FBXW8: variants seen among roughly 807,000 people sequenced by gnomAD.
FBXW8 encodes the protein F-box and WD repeat domain containing 8.
Under a neutral mutation model 65.3 loss-of-function variants are expected in FBXW8, and 57 were observed. The ratio of observed to expected loss-of-function variants is 0.87; its 90% CI spans 0.71 to 1.09. FBXW8 has a LOEUF of 1.09. Ranked by LOEUF, FBXW8 falls within the 50% of genes least tolerant of loss-of-function variation. FBXW8 has a pLI of 0.00. For missense variants in FBXW8, 777 were observed against 814.8 expected, an observed-to-expected ratio of 0.95 and a Z score of 0.57; for synonymous variants, 308 against 330.2, an observed-to-expected ratio of 0.93 and a Z score of 0.73.
intron 8 of FBXW8, among the ~76,000 whole-genome samples, chr12:117,018,064 G>A (rs1332097369): frequency 2.6e-5 from 4 of 152,168 alleles, no homozygotes; most frequent in South Asian, 2.1e-4. Context: ...CAACCAGAGC[G>A]TGCCTCCCTC....
chr12:117,019,958 A>G (rs114020542), intron 8 of FBXW8, among the ~76,000 whole-genome samples: 4,105 of 152,338 alleles, frequency 0.027, 182 homozygotes, highest in African/African-American at 0.087. Flanking sequence ...AGTAGCCTAG[A>G]GGGCGAAGCG....
In FBXW8 at chr12:116,928,055, C is replaced by G. The variant is rs1255063638; in HGVS notation, c.351C>G (p.Ile117Met). 14 of 1,609,448 alleles carry G rather than the reference C, an allele frequency of 8.7e-6. No homozygotes were observed. Among genetic ancestry groups the G allele is most frequent in the Non-Finnish European group, 1.0e-5 (12 of 1,178,212 alleles). ...TGAATGATGTGCCTTTCTTTGATATCCAACTGCCTTACGAATTGGCAATCA... is the reference window on the plus strand; with the variant it reads ...TGAATGATGTGCCTTTCTTTGATATGCAACTGCCTTACGAATTGGCAATCA... ...NEMNDVPFFDIQLPYELAINI... is the reference protein window; with the variant it reads ...NEMNDVPFFDMQLPYELAINI... The change falls in exon 2 of 11, where the codon ATC becomes ATG. Residue 117 changes from isoleucine to methionine, a missense_variant. Ile to Met is a conservative substitution (Grantham distance 10). Coordinates refer to ENST00000652555, the MANE Select transcript of FBXW8 (RefSeq NM_153348.3).
chr12:116,979,377 T>C (rs572173774), intron 5 of FBXW8: 30 of 152,366 alleles, frequency 2.0e-4, no homozygotes, highest in African/African-American at 7.2e-4. Context: ...CTGGCCATCG[T>C]TACTCATGTC....
Position 116,985,250 on chromosome 12 carries a change from C to G in FBXW8, c.880C>G (p.His294Asp), listed in dbSNP as rs1163993194. The G allele has an allele frequency of 1.9e-6, 3 of 1,613,558 alleles. No individual in the cohort carries two copies. The highest frequency in any genetic ancestry group is 1.7e-4 in the Middle Eastern group (1 of 6,056). ...WDLRTGKYPVHRFEHDARIQA... is the reference protein window; with the variant it reads ...WDLRTGKYPVDRFEHDARIQA... ...TTTAAGGACCGGAAAGTACCCTGTTCATCGTTTTGAGCACGATGCAAGAAT... is the reference window on the plus strand; with the variant it reads ...TTTAAGGACCGGAAAGTACCCTGTTGATCGTTTTGAGCACGATGCAAGAAT... Residue 294 changes from histidine to aspartate, a missense_variant, in exon 6 of 11, where the codon CAT (histidine) becomes GAT (aspartate). Coordinates refer to ENST00000652555, the MANE Select transcript of FBXW8 (RefSeq NM_153348.3).
At chr12:117,007,261 G>GA (rs11293344) in intron 7 of FBXW8, among the ~76,000 whole-genome samples, 1,496 of 145,496 alleles carry the variant, frequency 0.01, 20 homozygotes, top group African/African-American at 0.032. Flanking sequence ...AGATCTCTAA[G>GA]AAAAAAAAAA....
chr12:116,991,572 G>A (rs531902409), intron 7 of FBXW8, among the ~76,000 whole-genome samples: 27 of 152,282 alleles, frequency 1.8e-4, no homozygotes, highest in Non-Finnish European at 3.5e-4. Context: ...GTCCCAGCAC[G>A]TTTTATTAGG....
At position 116,911,055 on chromosome 12, in the gene FBXW8, G is replaced by C; in HGVS notation, c.18G>C (p.Leu6=). The C allele has an allele frequency of 6.9e-7, 1 of 1,455,838 alleles. No individual in the cohort carries two copies. Among genetic ancestry groups the C allele is most frequent in the Non-Finnish European group, 9.0e-7 (1 of 1,112,234 alleles). The allele number at this position is 1,455,838 out of a possible 1,614,324, so 90.2% of individuals were successfully genotyped here. The part of the protein sequence containing the change: MDDYS[L]DEFRRRWQEE... Reference sequence around the variant, plus strand: ...CGGCGAATATGGACGACTACAGCCTGGATGAGTTCCGTCGGCGCTGGCAGG... The same window carrying C: ...CGGCGAATATGGACGACTACAGCCTCGATGAGTTCCGTCGGCGCTGGCAGG... Residue 6 remains leucine, a synonymous_variant, in exon 1 of 11, where the codon CTG becomes CTC. Transcript: ENST00000652555.
chr12:116,988,261 G>A (rs1220154838), intron 6 of FBXW8, among the ~76,000 whole-genome samples: 1 of 152,130 alleles, frequency 6.6e-6, no homozygotes, highest in African/African-American at 2.4e-5. Flanking sequence ...TTGGTATTTT[G>A]ATAAGAGTAG....
At chr12:117,018,813 T>G (rs1468213293) in intron 8 of FBXW8, among the ~76,000 whole-genome samples, 1 of 152,210 alleles carries the variant, frequency 6.6e-6, no homozygotes, top group Non-Finnish European at 1.5e-5. Flanking sequence ...ATGGCAAACT[T>G]TGAACTTCTG....
chr12:116,918,458 T>A (rs1880617428), intron 1 of FBXW8, among the ~76,000 whole-genome samples: 1 of 152,256 alleles, frequency 6.6e-6, no homozygotes, highest in Admixed American at 6.5e-5. Flanking sequence ...ATGTTTGTTC[T>A]GGGTGCTTAC....
At chr12:116,912,484 T>C (rs1880053043) in intron 1 of FBXW8, among the ~76,000 whole-genome samples, 1 of 136,770 alleles carries the variant, frequency 7.3e-6, no homozygotes, top group African/African-American at 2.8e-5. Context: ...AGACGGAGTC[T>C]CGCTCGCTCT....
intron 4 of FBXW8, among the ~76,000 whole-genome samples, chr12:116,952,864 A>T (rs1409869126): frequency 1.3e-5 from 2 of 152,080 alleles, no homozygotes; most frequent in Non-Finnish European, 2.9e-5. Context: ...CAGCCTCCCG[A>T]GTAGCTGGGA....
intron 4 of FBXW8, 78 bp downstream of exon 4, chr12:116,949,784 T>G (rs1028852273): frequency 4.0e-5 from 52 of 1,295,996 alleles, no homozygotes; most frequent in Non-Finnish European, 5.8e-5. Flanking sequence ...TGAGTACCAG[T>G]GACCTTAGCT....
rs77780796 is a variant in FBXW8, at chr12:116,920,714, G to A, written c.319-7309G>A. Among the ~76,000 whole-genome samples the A allele has an allele frequency of 4.4e-3, 674 of 152,222 alleles. 5 individuals carry two copies. The highest frequency in any genetic ancestry group is 0.015 in the African/African-American group (633 of 41,542). The stretch of plus-strand genomic sequence containing the variant: ...AAAGGTTCTGTGGTGACCAGGACCC[G>A]CACTTAGTTTAATGCTCTGTTGCCT... On this transcript the variant is annotated intron_variant, in intron 1 of 10. Coordinates refer to ENST00000652555, the MANE Select transcript of FBXW8 (RefSeq NM_153348.3).
chr12:117,027,565 ACCCCC>A, intron 10 of FBXW8, 61 bp downstream of exon 10: 2 of 1,150,930 alleles, frequency 1.7e-6, no homozygotes, highest in African/African-American at 1.8e-5. Flanking sequence ...ATAGAACCCC[ACCCCC>A]CCCGCCGTGA....
At chr12:116,951,682 T>C (rs926101763) in intron 4 of FBXW8, among the ~76,000 whole-genome samples, 2 of 152,222 alleles carry the variant, frequency 1.3e-5, no homozygotes, top group Non-Finnish European at 2.9e-5. Context: ...CTTCTCACCT[T>C]TTCAGCTCTC....
At chr12:117,013,161 G>A (rs1240253195) in intron 8 of FBXW8, among the ~76,000 whole-genome samples, 1 of 152,154 alleles carries the variant, frequency 6.6e-6, no homozygotes, top group East Asian at 1.9e-4. Flanking sequence ...AGAATCGCTT[G>A]AACCCAGGAG....
intron 8 of FBXW8, among the ~76,000 whole-genome samples, chr12:117,018,646 G>GTTTTTCC (rs1216658988): frequency 6.6e-6 from 1 of 152,204 alleles, no homozygotes; most frequent in African/African-American, 2.4e-5. Flanking sequence ...TCAGAAAAAT[G>GTTTTTCC]TTTTTCCTTT....
At chr12:116,929,434 C>T (rs540092304) in intron 2 of FBXW8, among the ~76,000 whole-genome samples, 35 of 151,514 alleles carry the variant, frequency 2.3e-4, no homozygotes, top group African/African-American at 8.5e-4. Context: ...ACGATTTTGT[C>T]ATGTTGGCCA....
Sources: allele counts gnomAD v4.1 joint callset (sites outside exome capture counted in the v4.1 genomes callset), GRCh38; gene constraint gnomAD v4.1.1; transcripts MANE v1.5; gene names NCBI Gene and HGNC (gene_info 2026-07-23, HGNC 2026-07-21).